PRSS23: variants seen among roughly 807,000 people sequenced by gnomAD.
PRSS23 encodes the protein serine protease 23.
In PRSS23, 25 loss-of-function variants were observed where a neutral mutation model predicts 34.7. The ratio of observed to expected loss-of-function variants is 0.72; its 90% CI spans 0.53 to 1.01. PRSS23 has a LOEUF of 1.01. Ranked by LOEUF, PRSS23 falls within the 50% of genes least tolerant of loss-of-function variation. PRSS23 has a pLI of 0.00. For synonymous variants in PRSS23, 176 were observed against 186.6 expected, an observed-to-expected ratio of 0.94 and a Z score of 0.46; for missense variants, 445 against 475.6, an observed-to-expected ratio of 0.94 and a Z score of 0.60.
At chr11:86,882,381 C>G (rs534450807) in intron 2 of PRSS23, among the ~76,000 whole-genome samples, 5 of 152,208 alleles carry the variant, frequency 3.3e-5, no homozygotes, top group African/African-American at 1.2e-4. Flanking sequence ...CTGACAGGCC[C>G]CAGTGTGTGT....
intron 2 of PRSS23, among the ~76,000 whole-genome samples, chr11:86,928,146 ATAT>A (rs952010199): frequency 2.0e-5 from 3 of 148,374 alleles, no homozygotes; most frequent in Non-Finnish European, 3.0e-5. Context: ...CTTATAATAC[ATAT>A]TATACATAAA....
At chr11:86,847,806 G>A (rs572225195) in intron 2 of PRSS23, among the ~76,000 whole-genome samples, 3 of 152,308 alleles carry the variant, frequency 2.0e-5, no homozygotes, top group African/African-American at 7.2e-5. Context: ...GCTCTTTTCT[G>A]TAAGCAGGAA....
chr11:86,817,344 G>C (rs1948221512), intron 1 of PRSS23, among the ~76,000 whole-genome samples: 1 of 152,114 alleles, frequency 6.6e-6, no homozygotes, highest in Non-Finnish European at 1.5e-5. Context: ...TAATGATGTG[G>C]CTATTTTTAA....
rs1490419508 is a variant in PRSS23 at position 86,875,000 on chromosome 11, AT to A, written c.206+51413del. Among the ~76,000 whole-genome samples, 5 of 152,184 alleles carry A rather than the reference AT, an allele frequency of 3.3e-5. No homozygotes were observed. In the South Asian group the frequency reaches 8.3e-4, roughly 25 times the overall value. ...AACATGACTGCATCAGGGTAGTTGG[AT>A]TTTTTCCTTAGAGGCTTAGGACCCC... On this transcript the variant is annotated intron_variant, in intron 2 of 2. Transcript: ENST00000533902.
At chr11:86,864,352 G>A (rs1161572521) in intron 2 of PRSS23, among the ~76,000 whole-genome samples, 4 of 152,218 alleles carry the variant, frequency 2.6e-5, no homozygotes, top group Admixed American at 6.5e-5. Context: ...TATGGGAGAG[G>A]CAGTGTCACA....
At position 86,875,569 on chromosome 11, in the gene PRSS23, A is replaced by G. The variant is rs1224406709; in HGVS notation, c.206+51976A>G. ...GGCATAAAGTCCTTTCCTAACATCT[A>G]CTCAGAGCATCCTTGGGGGTACCAA... On this transcript the variant is annotated intron_variant, in intron 2 of 2. Coordinates refer to the PRSS23 transcript ENST00000533902. 2.6e-5 allele frequency among the ~76,000 whole-genome samples: 4 copies of G among 152,156 alleles called. No homozygotes were observed. The East Asian group carries it at 7.7e-4, about 29-fold the overall frequency.
At chr11:86,821,101 T>C in intron 1 of PRSS23, 3 of 453,436 alleles carry the variant, frequency 6.6e-6, no homozygotes, top group Non-Finnish European at 1.1e-5. Context: ...ACATAATTAA[T>C]GTTAATTATG....
intron 2 of PRSS23, chr11:86,950,458 G>C (rs1027850203): frequency 4.6e-5 from 7 of 152,802 alleles, no homozygotes; most frequent in African/African-American, 1.4e-4. Flanking sequence ...AAATTTAAGA[G>C]AGGAAGACAG....
At chr11:86,879,843 G>A (rs1300882651) in intron 2 of PRSS23, among the ~76,000 whole-genome samples, 23 of 139,552 alleles carry the variant, frequency 1.6e-4, no homozygotes, top group African/African-American at 6.2e-4. Context: ...CCCCCCGCCC[G>A]GCCAGCCGCC....
At chr11:86,907,211 T>C (rs1948949156) in intron 2 of PRSS23, among the ~76,000 whole-genome samples, 2 of 152,216 alleles carry the variant, frequency 1.3e-5, no homozygotes, top group African/African-American at 2.4e-5. Flanking sequence ...CTTTTTGTTA[T>C]ATAGATTGAC....
Position 86,808,921 on chromosome 11 carries a change from T to G in PRSS23, c.*126T>G. On this transcript the variant is annotated 3_prime_UTR_variant, in exon 2 of 2. Coordinates refer to ENST00000280258, the MANE Select transcript of PRSS23 (RefSeq NM_007173.6). ...GTGTGTGTGTGTGTAAGGTGTCTTATAATCTTTTACCTATTTCTTACAATT... is the reference window on the plus strand; with the variant it reads ...GTGTGTGTGTGTGTAAGGTGTCTTAGAATCTTTTACCTATTTCTTACAATT... 1 of 789,556 alleles carries G rather than the reference T, an allele frequency of 1.3e-6. No homozygotes were observed. The highest frequency in any genetic ancestry group is 2.0e-6 in the Non-Finnish European group (1 of 496,302). 48.9% of individuals were successfully genotyped at this position (789,556 alleles called of 1,614,324 possible). A position where few individuals can be genotyped will look rare whatever the true frequency, so the allele number is the denominator to read the frequency against.
chr11:86,832,956 T>C (rs1244750296), intron 2 of PRSS23: 3 of 373,800 alleles, frequency 8.0e-6, no homozygotes, highest in Non-Finnish European at 1.0e-5. Flanking sequence ...TTGATGCAGG[T>C]CATTTGTAAG....
intron 2 of PRSS23, among the ~76,000 whole-genome samples, chr11:86,915,208 C>G (rs1949004076): frequency 6.6e-6 from 1 of 152,048 alleles, no homozygotes; most frequent in Non-Finnish European, 1.5e-5. Context: ...GTTTTTTGAG[C>G]AAAGGAGAGT....
At chr11:86,919,657 T>A (rs1949035072) in intron 2 of PRSS23, among the ~76,000 whole-genome samples, 1 of 152,206 alleles carries the variant, frequency 6.6e-6, no homozygotes, top group African/African-American at 2.4e-5. Flanking sequence ...GTGATCTTAG[T>A]CAAATCATGT....
chr11:86,905,029 C>T (rs547634057), intron 2 of PRSS23, among the ~76,000 whole-genome samples: 1 of 152,248 alleles, frequency 6.6e-6, no homozygotes, highest in East Asian at 1.9e-4. Context: ...GTACTTCAGT[C>T]TGGGGGACAG....
intron 1 of PRSS23, chr11:86,821,292 C>A: frequency 1.8e-6 from 1 of 560,284 alleles, no homozygotes; most frequent in Non-Finnish European, 3.0e-6. Context: ...TCATATTCAT[C>A]AAATATCTAC....
At chr11:86,898,180 A>G (rs984184280) in intron 2 of PRSS23, among the ~76,000 whole-genome samples, 1 of 152,242 alleles carries the variant, frequency 6.6e-6, no homozygotes, top group Non-Finnish European at 1.5e-5. Flanking sequence ...CCTAATGGTT[A>G]TAATCTAGGT....
intron 2 of PRSS23, among the ~76,000 whole-genome samples, chr11:86,915,710 T>C (rs1366245939): frequency 5.9e-5 from 9 of 151,976 alleles, no homozygotes; most frequent in African/African-American, 2.2e-4. Context: ...AACTAAATTA[T>C]AGAGCAACTG....
chr11:86,834,348 C>T (rs1460657368), intron 2 of PRSS23, among the ~76,000 whole-genome samples: 1 of 152,096 alleles, frequency 6.6e-6, no homozygotes, highest in Admixed American at 6.6e-5. Flanking sequence ...AAACTATGTC[C>T]TCCTGAGGTT....
Sources: allele counts gnomAD v4.1 joint callset (sites outside exome capture counted in the v4.1 genomes callset), GRCh38; gene constraint gnomAD v4.1.1; transcripts MANE v1.5; gene names NCBI Gene and HGNC (gene_info 2026-07-23, HGNC 2026-07-21).